The following SLIT2 variants were observed in gnomAD, a reference collection of about 807,000 sequenced individuals.
SLIT2 encodes the protein slit homolog 2 protein.
Under a neutral mutation model 185.7 loss-of-function variants are expected in SLIT2, and 41 were observed. That is an observed-to-expected ratio of 0.22 (90% CI 0.17 to 0.29). The LOEUF (loss-of-function observed/expected upper bound fraction) is 0.29, where lower values mean the gene tolerates loss of function less well. Ranked by LOEUF, SLIT2 falls within the 10% of genes least tolerant of loss-of-function variation. SLIT2 has a pLI of 1.00. For synonymous variants in SLIT2, 693 were observed against 680.2 expected, an observed-to-expected ratio of 1.02 and a Z score of -0.29; for missense variants, 1,571 against 1,909.0, an observed-to-expected ratio of 0.82 and a Z score of 3.30.
intron 5 of SLIT2, among the ~76,000 whole-genome samples, chr4:20,472,347 G>GAT (rs1560453363): frequency 5.2e-5 from 1 of 19,328 alleles, no homozygotes; most frequent in African/African-American, 2.2e-4. Flanking sequence ...TCTATATATA[G>GAT]ATATAGATAT....
intron 4 of SLIT2, among the ~76,000 whole-genome samples, chr4:20,463,474 T>G (rs1256162719): frequency 8.5e-5 from 10 of 117,524 alleles, no homozygotes; most frequent in African/African-American, 1.4e-4. Context: ...TATATATATA[T>G]ATATATATAT....
intron 1 of SLIT2, 130 bp from the exon 2 acceptor site, chr4:20,256,539 TCTC>T (rs1331843595): frequency 7.6e-6 from 4 of 528,966 alleles, no homozygotes; most frequent in African/African-American, 4.0e-5. Flanking sequence ...GTTATCCTCT[TCTC>T]CTTCCTACAT....
intron 5 of SLIT2, among the ~76,000 whole-genome samples, chr4:20,468,559 A>G (rs1714619372): frequency 6.6e-6 from 1 of 152,114 alleles, no homozygotes; most frequent in African/African-American, 2.4e-5. Context: ...CTTTATTTCT[A>G]AGGATGCATA....
chr4:20,523,552 G>A (rs1301117562), intron 12 of SLIT2, among the ~76,000 whole-genome samples: 1 of 152,180 alleles, frequency 6.6e-6, no homozygotes. Context: ...AATACCACTA[G>A]ATTTAGGTTC....
Position 20,484,747 on chromosome 4 carries a change from A to C in SLIT2, c.540-1453A>C, listed in dbSNP as rs1717042241. 6.6e-6 allele frequency among the ~76,000 whole-genome samples: 1 copy of C among 152,072 alleles called. No homozygotes were observed. Among genetic ancestry groups the C allele is most frequent in the South Asian group, 2.1e-4 (1 of 4,822 alleles). ...TATTTAAACATTAGAAAGATCTAAA[A>C]ATTTTTATCTCTAGCTTCCCTTGGA... is the stretch of plus-strand genomic sequence containing the variant. On this transcript the variant is annotated intron_variant, in intron 6 of 36. Transcript: ENST00000504154. The surrounding 1 kb of genome is among the most constrained non-coding windows in gnomAD (Gnocchi z 4.3).
chr4:20,598,941 G>A (rs1728201541), intron 33 of SLIT2, among the ~76,000 whole-genome samples: 1 of 152,066 alleles, frequency 6.6e-6, no homozygotes, highest in Non-Finnish European at 1.5e-5. Context: ...AGCTTCCTGG[G>A]GCTCAGAGCT....
intron 22 of SLIT2, 146 bp from the exon 23 acceptor site, chr4:20,548,342 G>T (rs1723438448): frequency 3.4e-6 from 2 of 586,104 alleles, no homozygotes; most frequent in South Asian, 4.2e-5. Context: ...TACTCCAGTG[G>T]GTCGTTCACT....
intron 4 of SLIT2, among the ~76,000 whole-genome samples, chr4:20,271,834 C>G (rs1335036332): frequency 6.6e-6 from 1 of 151,974 alleles, no homozygotes; most frequent in East Asian, 1.9e-4. Context: ...TAAATAATCG[C>G]CCTTTGACTA....
chr4:20,441,863 T>A (rs1729778793), intron 4 of SLIT2, among the ~76,000 whole-genome samples: 1 of 152,172 alleles, frequency 6.6e-6, no homozygotes, highest in Admixed American at 6.5e-5. Context: ...AAAGTATTTT[T>A]ACTGGGGAAA....
At chr4:20,268,040 A>T (rs1283718713) in intron 3 of SLIT2, among the ~76,000 whole-genome samples, 3 of 151,910 alleles carry the variant, frequency 2.0e-5, no homozygotes, top group African/African-American at 7.2e-5. Context: ...TGGGATTGGG[A>T]TATGACTACA....
At chr4:20,603,943 CCT>C (rs1315214065) in intron 33 of SLIT2, among the ~76,000 whole-genome samples, 2 of 152,200 alleles carry the variant, frequency 1.3e-5, no homozygotes, top group South Asian at 2.1e-4. Context: ...GAAAGTTCCC[CCT>C]GTTTACTAGC....
Position 20,254,836 on chromosome 4 carries a change from T to G in SLIT2, c.179+842T>G. 1 of 435,616 alleles carries G rather than the reference T, an allele frequency of 2.3e-6. No homozygotes were observed. Among genetic ancestry groups the G allele is most frequent in the East Asian group, 7.0e-5 (1 of 14,286 alleles). The allele number at this position is 435,616 out of a possible 1,614,324, so 27.0% of individuals were successfully genotyped here. On this transcript the variant is annotated intron_variant, in intron 1 of 36. Transcript: ENST00000504154. This position sits in a 1 kb window ranked among gnomAD's most constrained non-coding sequence, Gnocchi z 5.1. Reference sequence around the variant, plus strand: ...CGTCCCCATCCACCTTTCTGGCAGTTTCTGCGCCCCTTCACGTGGCAGCAG... The same window carrying G: ...CGTCCCCATCCACCTTTCTGGCAGTGTCTGCGCCCCTTCACGTGGCAGCAG...
At chr4:20,575,265 G>T (rs1168374250) in intron 29 of SLIT2, among the ~76,000 whole-genome samples, 1 of 152,222 alleles carries the variant, frequency 6.6e-6, no homozygotes, top group South Asian at 2.1e-4. Flanking sequence ...CCAAGAATTT[G>T]CTGCTGACTG....
At chr4:20,412,281 A>G (rs1215304010) in intron 4 of SLIT2, among the ~76,000 whole-genome samples, 1 of 149,960 alleles carries the variant, frequency 6.7e-6, no homozygotes, top group Non-Finnish European at 1.5e-5. Context: ...CTTGATTCTC[A>G]CCTCTACTAT....
At chr4:20,367,894 A>T (rs1297150485) in intron 4 of SLIT2, among the ~76,000 whole-genome samples, 1 of 152,098 alleles carries the variant, frequency 6.6e-6, no homozygotes, top group African/African-American at 2.4e-5. Flanking sequence ...TACAGGGGTA[A>T]TAGGGCTTGG....
intron 4 of SLIT2, among the ~76,000 whole-genome samples, chr4:20,355,118 T>G (rs985476003): frequency 6.6e-6 from 1 of 152,230 alleles, no homozygotes; most frequent in African/African-American, 2.4e-5. Flanking sequence ...GTTTGGAATT[T>G]TAATTATATC....
At chr4:20,260,057 T>C (rs757513635) in intron 3 of SLIT2, among the ~76,000 whole-genome samples, 4 of 151,892 alleles carry the variant, frequency 2.6e-5, no homozygotes, top group Non-Finnish European at 4.4e-5. Flanking sequence ...AAGGCAGGTT[T>C]GCTAAGGAAT....
chr4:20,519,258 G>C, intron 11 of SLIT2, 124 bp from the exon 12 acceptor site: 1 of 654,296 alleles, frequency 1.5e-6, no homozygotes, highest in Non-Finnish European at 2.7e-6. Context: ...TGTTTACTCA[G>C]CTATAACTTT....
At chr4:20,561,533 C>T (rs1266479343) in intron 26 of SLIT2, among the ~76,000 whole-genome samples, 3 of 151,540 alleles carry the variant, frequency 2.0e-5, no homozygotes, top group Non-Finnish European at 4.4e-5. Context: ...TGAGCCCAAC[C>T]TAAAGCAATG....
Sources: gnomAD v4.1 joint callset for allele counts (sites outside exome capture counted in the v4.1 genomes callset) on GRCh38, gnomAD v4.1.1 for gene constraint, Gnocchi (gnomAD v3.1) non-coding constraint, MANE v1.5 for transcripts, NCBI Gene and HGNC (gene_info 2026-07-23, HGNC 2026-07-21) for gene names.